Variants in TAS2R1 observed in about 807,000 individuals in gnomAD.
TAS2R1 encodes the protein taste 2 receptor member 1, also known as taste receptor type 2 member 1.
For missense variants in TAS2R1, 370 were observed against 353.4 expected, an observed-to-expected ratio of 1.05 and a Z score of -0.38; for synonymous variants, 141 against 134.2, an observed-to-expected ratio of 1.05 and a Z score of -0.35.
the TAS2R1 span, among the ~76,000 whole-genome samples, chr5:9,806,800 G>A: frequency 6.6e-6 from 1 of 151,876 alleles, no homozygotes; most frequent in Non-Finnish European, 1.5e-5. Flanking sequence ...ACTTTCATTT[G>A]AGAAGATAAC....
chr5:9,822,634 C>T, the TAS2R1 span, among the ~76,000 whole-genome samples: 1 of 152,042 alleles, frequency 6.6e-6, no homozygotes, highest in Non-Finnish European at 1.5e-5. Context: ...CAGGTGTGAG[C>T]CACCGTGCCC....
the TAS2R1 span, among the ~76,000 whole-genome samples, chr5:9,796,517 C>T: frequency 6.6e-6 from 1 of 152,026 alleles, no homozygotes; most frequent in African/African-American, 2.4e-5. Flanking sequence ...GAAATTCCTG[C>T]ATCCTGGGAA....
intron 1 of TAS2R1, among the ~76,000 whole-genome samples, chr5:9,662,416 G>C (rs1414264619): frequency 6.6e-6 from 1 of 152,154 alleles, no homozygotes. Flanking sequence ...TGCTGTGCTG[G>C]TTATCAGAAC....
chr5:9,652,897 A>T (rs1361649070), intron 2 of TAS2R1, among the ~76,000 whole-genome samples: 1 of 152,202 alleles, frequency 6.6e-6, no homozygotes, highest in Non-Finnish European at 1.5e-5. Context: ...ATATCATAAA[A>T]ATTGCCATTT....
chr5:9,672,950 A>G (rs1202979536), intron 1 of TAS2R1, among the ~76,000 whole-genome samples: 1 of 152,210 alleles, frequency 6.6e-6, no homozygotes, highest in Non-Finnish European at 1.5e-5. Flanking sequence ...TACACCATGG[A>G]ATACTACATA....
At chr5:9,766,399 A>G in the TAS2R1 span, among the ~76,000 whole-genome samples, 1 of 152,252 alleles carries the variant, frequency 6.6e-6, no homozygotes, top group Non-Finnish European at 1.5e-5. Flanking sequence ...AACAGACTTC[A>G]GGCCCTTTAC....
chr5:9,726,140 T>A, the TAS2R1 span, among the ~76,000 whole-genome samples: 1 of 152,128 alleles, frequency 6.6e-6, no homozygotes, highest in Non-Finnish European at 1.5e-5. Context: ...ATTGGCACTC[T>A]GTGTCTACCT....
chr5:9,789,449 G>A, the TAS2R1 span, among the ~76,000 whole-genome samples: 5 of 152,156 alleles, frequency 3.3e-5, no homozygotes, highest in East Asian at 1.9e-4. Flanking sequence ...CATGTGAAAC[G>A]GGATAGGATC....
chr5:9,865,537 TCTGAA>T, the TAS2R1 span, among the ~76,000 whole-genome samples: 1 of 152,252 alleles, frequency 6.6e-6, no homozygotes, highest in African/African-American at 2.4e-5. Context: ...ATCACTTTCC[TCTGAA>T]CTGAAGAACT....
chr5:9,780,036 C>T, the TAS2R1 span, among the ~76,000 whole-genome samples: 1 of 152,214 alleles, frequency 6.6e-6, no homozygotes, highest in African/African-American at 2.4e-5. Context: ...TACCCTGTGA[C>T]CTGTTCAAAG....
the TAS2R1 span, among the ~76,000 whole-genome samples, chr5:9,863,707 T>A: frequency 2.6e-5 from 4 of 152,210 alleles, no homozygotes; most frequent in Admixed American, 2.6e-4. Flanking sequence ...GCTTCATACA[T>A]GACTGCCCAA....
intron 1 of TAS2R1, among the ~76,000 whole-genome samples, chr5:9,710,988 A>G (rs1001424132): frequency 6.5e-5 from 9 of 138,842 alleles, no homozygotes; most frequent in Non-Finnish European, 1.3e-4. Context: ...ATATATATTT[A>G]TATATATTTA....
the TAS2R1 span, among the ~76,000 whole-genome samples, chr5:9,890,326 C>T: frequency 2.0e-5 from 3 of 152,158 alleles, no homozygotes; most frequent in African/African-American, 4.8e-5. Flanking sequence ...CCACCCATGA[C>T]CTCACACTTT....
chr5:9,842,778 C>T, the TAS2R1 span, among the ~76,000 whole-genome samples: 3 of 151,952 alleles, frequency 2.0e-5, no homozygotes. Flanking sequence ...TTACTGTTTA[C>T]TAGGGCCTCT....
chr5:9,780,099 T>C, the TAS2R1 span, among the ~76,000 whole-genome samples: 8 of 152,164 alleles, frequency 5.3e-5, no homozygotes, highest in Non-Finnish European at 8.8e-5. Context: ...TTTCCCCCTT[T>C]CTACAAGATC....
At chr5:9,822,219 T>A in the TAS2R1 span, among the ~76,000 whole-genome samples, 2 of 152,244 alleles carry the variant, frequency 1.3e-5, no homozygotes, top group African/African-American at 4.8e-5. Flanking sequence ...TGATACTGAT[T>A]ATCAGATGTC....
chr5:9,707,805 G>A (rs952645734), intron 1 of TAS2R1, among the ~76,000 whole-genome samples: 1 of 152,104 alleles, frequency 6.6e-6, no homozygotes, highest in South Asian at 2.1e-4. Context: ...GGGAGGTGGT[G>A]CGAAATAACT....
the TAS2R1 span, among the ~76,000 whole-genome samples, chr5:9,833,749 T>C: frequency 3.3e-5 from 5 of 152,194 alleles, no homozygotes; most frequent in Non-Finnish European, 5.9e-5. Flanking sequence ...TACAGTTGTA[T>C]CACATGAAAC....
intron 2 of TAS2R1, among the ~76,000 whole-genome samples, chr5:9,640,337 G>A (rs1415432375): frequency 6.6e-6 from 1 of 151,686 alleles, no homozygotes; most frequent in Admixed American, 6.6e-5. Context: ...AAAGATCATT[G>A]ATCACAGATC....
Sources: allele counts gnomAD v4.1 joint callset (sites outside exome capture counted in the v4.1 genomes callset), GRCh38; gene constraint gnomAD v4.1.1; transcripts MANE v1.5; gene names NCBI Gene and HGNC (gene_info 2026-07-23, HGNC 2026-07-21).